DLG5: variants seen among roughly 807,000 people sequenced by gnomAD.
The protein encoded by DLG5 is disks large homolog 5.
Under a neutral mutation model 189.8 loss-of-function variants are expected in DLG5, and 48 were observed. That is an observed-to-expected ratio of 0.25 (90% confidence interval 0.20 to 0.32). The LOEUF is 0.32. Ranked by LOEUF, DLG5 falls within the 10% of genes least tolerant of loss-of-function variation. The pLI, the probability that DLG5 is intolerant of heterozygous loss-of-function variation, is 1.00. For synonymous variants in DLG5, 1,016 were observed against 1,054.1 expected (o/e 0.96, Z 0.70); for missense variants, 2,160 against 2,544.7 (o/e 0.85, Z 3.25).
At chr10:77,809,924 A>G (rs1841678113) in intron 23 of DLG5, among the ~76,000 whole-genome samples, 194 bp from the exon 24 acceptor site, 2 of 152,176 alleles carry the variant, frequency 1.3e-5, no homozygotes, top group Admixed American at 1.3e-4. Context: ...AGATGAAGGC[A>G]AGACCCCAGG....
intron 8 of DLG5, among the ~76,000 whole-genome samples, chr10:77,834,610 A>T (rs982783857): frequency 6.6e-6 from 1 of 152,060 alleles, no homozygotes; most frequent in African/African-American, 2.4e-5. Context: ...ATGAAAGAGG[A>T]CCCCAAGGAG....
At chr10:77,839,168 C>G (rs1423147512) in intron 7 of DLG5, among the ~76,000 whole-genome samples, 2 of 152,180 alleles carry the variant, frequency 1.3e-5, no homozygotes, top group African/African-American at 2.4e-5. Context: ...TCTGTGCTTT[C>G]TATATTTCTA....
At chr10:77,806,165 A>G in intron 26 of DLG5, 1 of 382,712 alleles carries the variant, frequency 2.6e-6, no homozygotes. Context: ...ATGACGAGTT[A>G]CGCTTCCTGC....
At chr10:77,919,645 A>G (rs1393741643) in intron 1 of DLG5, among the ~76,000 whole-genome samples, 1 of 135,372 alleles carries the variant, frequency 7.4e-6, no homozygotes, top group East Asian at 2.1e-4. Flanking sequence ...TTTTGAGGAC[A>G]TCAAGTTGAC....
At chr10:77,873,563 C>A (rs191436358) in intron 1 of DLG5, among the ~76,000 whole-genome samples, 1 of 152,208 alleles carries the variant, frequency 6.6e-6, no homozygotes, top group East Asian at 1.9e-4. Context: ...AAAAACCACC[C>A]GAACAATAAT....
At chr10:77,935,159 A>G in the DLG5 span, among the ~76,000 whole-genome samples, 3 of 151,946 alleles carry the variant, frequency 2.0e-5, no homozygotes, top group African/African-American at 7.3e-5. Flanking sequence ...CCCAGCCTTA[A>G]ATGGGTGCTG....
At chr10:77,826,055 A>G (rs992056293) in intron 13 of DLG5, among the ~76,000 whole-genome samples, 4 of 152,298 alleles carry the variant, frequency 2.6e-5, no homozygotes, top group African/African-American at 9.6e-5. Context: ...CACTGCAGGG[A>G]GGACTGCAAA....
In DLG5 at chr10:77,854,307, C is replaced by T. The variant is rs780292547; in HGVS notation, c.600G>A (p.Ser200=). 2.5e-5 allele frequency: 41 copies of T among 1,614,066 alleles called. No individual in the cohort carries two copies. Among genetic ancestry groups the T allele is most frequent in the Non-Finnish European group, 3.4e-5 (40 of 1,180,048 alleles). Residue 200 remains serine, a synonymous_variant, in exon 4 of 32, where the codon TCG becomes TCA. Transcript: ENST00000372391. The part of the protein sequence containing the change: ...RLKIQCVRAM[S]DLQSLQNQHT... ...GCTGGTTCTGCAGGCTCTGCAGGTC[C>T]GACATGGCTCGCACGCACTGGATCT... is the stretch of plus-strand genomic sequence containing the variant.
chr10:77,833,741 C>G (rs1356268294), intron 9 of DLG5, among the ~76,000 whole-genome samples, 173 bp downstream of exon 9: 1 of 152,192 alleles, frequency 6.6e-6, no homozygotes, highest in African/African-American at 2.4e-5. Flanking sequence ...ACATTCGAAC[C>G]CATTCTACAC....
the DLG5 span, among the ~76,000 whole-genome samples, chr10:77,934,411 A>C: frequency 6.6e-6 from 1 of 152,008 alleles, no homozygotes; most frequent in African/African-American, 2.4e-5. Context: ...ATAAATACAT[A>C]AAGTAAAATA....
At chr10:77,871,536 CTTT>C (rs34326711) in intron 1 of DLG5, among the ~76,000 whole-genome samples, 2 of 83,884 alleles carry the variant, frequency 2.4e-5, no homozygotes, top group Non-Finnish European at 2.1e-5. Flanking sequence ...AAGCATCACA[CTTT>C]TTTTTTTTTT....
At position 77,806,795 on chromosome 10, in the gene DLG5, G is replaced by A; in HGVS notation, c.4930C>T (p.Gln1644Ter). Residue 1644 changes from glutamine (Q) to a stop codon, truncating the protein, a stop_gained, in exon 26 of 32, where the codon CAG becomes TAG. Coordinates refer to ENST00000372391, the MANE Select transcript of DLG5 (RefSeq NM_004747.4). LOFTEE classifies it high-confidence loss of function. ...GGAATCTGCCCGCGCTGGATCTTCTGGGCATTCTCGTCCAGCTGCCAAGCC... is the reference window on the plus strand; with the variant it reads ...GGAATCTGCCCGCGCTGGATCTTCTAGGCATTCTCGTCCAGCTGCCAAGCC... ...WMAWQLDENA[Q>*]KIQRGQIPSK... The A allele has an allele frequency of 6.2e-7, 1 of 1,611,836 alleles. No homozygotes were observed. The highest frequency in any genetic ancestry group is 8.5e-7 in the Non-Finnish European group (1 of 1,178,910).
chr10:77,905,941 A>T (rs1251373969), intron 1 of DLG5, among the ~76,000 whole-genome samples: 2 of 152,184 alleles, frequency 1.3e-5, no homozygotes, highest in African/African-American at 4.8e-5. Context: ...GTTTTCACTG[A>T]GCACTGTGCA....
chr10:77,831,352 T>C (rs1223094675), intron 9 of DLG5, among the ~76,000 whole-genome samples: 1 of 151,474 alleles, frequency 6.6e-6, no homozygotes, highest in Non-Finnish European at 1.5e-5. Flanking sequence ...GGAGTGGAGG[T>C]CACACCGCTG....
At chr10:77,913,461 C>T (rs1350411369) in intron 1 of DLG5, among the ~76,000 whole-genome samples, 1 of 152,166 alleles carries the variant, frequency 6.6e-6, no homozygotes, top group Non-Finnish European at 1.5e-5. Context: ...ATTATTAATG[C>T]CTCATCTCTT....
intron 13 of DLG5, among the ~76,000 whole-genome samples, chr10:77,825,372 A>C (rs1842571088): frequency 8.5e-6 from 1 of 117,044 alleles, no homozygotes; most frequent in Non-Finnish European, 1.7e-5. Context: ...AACCACACAC[A>C]ACCACACACA....
At chr10:77,842,629 T>A (rs529112183) in intron 6 of DLG5, among the ~76,000 whole-genome samples, 1 of 152,354 alleles carries the variant, frequency 6.6e-6, no homozygotes, top group African/African-American at 2.4e-5. Context: ...CACAGCTCTG[T>A]CCTTCCAGGC....
At chr10:77,933,147 T>C in the DLG5 span, among the ~76,000 whole-genome samples, 1 of 152,192 alleles carries the variant, frequency 6.6e-6, no homozygotes, top group Non-Finnish European at 1.5e-5. Flanking sequence ...AAGCCATACT[T>C]GCCTTACCAA....
At chr10:77,806,444 T>G (rs1004707802) in intron 26 of DLG5, among the ~76,000 whole-genome samples, 11 of 152,176 alleles carry the variant, frequency 7.2e-5, no homozygotes, top group Non-Finnish European at 1.6e-4. Flanking sequence ...TGCACACACC[T>G]ATCAATATGT....
Sources: allele counts gnomAD v4.1 joint callset (sites outside exome capture counted in the v4.1 genomes callset), GRCh38; gene constraint gnomAD v4.1.1; transcripts MANE v1.5; gene names NCBI Gene and HGNC (gene_info 2026-07-23, HGNC 2026-07-21).